Variants in SLCO1C1 observed in about 807,000 individuals in gnomAD.
SLCO1C1 encodes OAT-RP-5.
In SLCO1C1, 70 loss-of-function variants were observed where a neutral mutation model predicts 76.4. The ratio of observed to expected loss-of-function variants is 0.92; its 90% CI spans 0.76 to 1.12. The LOEUF is 1.12. Among genes scored for constraint, SLCO1C1 ranks in the 50% most tolerant of loss-of-function variants. SLCO1C1 has a pLI of 0.00. For missense variants in SLCO1C1, 912 were observed against 823.8 expected (o/e 1.11, Z -1.31); for synonymous variants, 306 against 286.1 (o/e 1.07, Z -0.70).
In SLCO1C1 at chr12:20,699,582, C is replaced by A; in HGVS notation, c.6C>A (p.Asp2Glu). 1 of 1,610,150 alleles carries A rather than the reference C, an allele frequency of 6.2e-7. No individual in the cohort carries two copies. ...AGTCAAGGAATGTGTTTATAATGGA[C>A]ACTTCATCCAAAGAAAATATCCAGT... M[D>E]TSSKENIQLF... Residue 2 changes from aspartate (D) to glutamate (E), a missense_variant, in exon 2 of 15, where the codon GAC becomes GAA. Physicochemically the swap from Asp to Glu is conservative, Grantham distance 45. Coordinates refer to ENST00000266509, the MANE Select transcript of SLCO1C1 (RefSeq NM_017435.5).
chr12:20,729,303 G>A (rs1334193553), intron 9 of SLCO1C1, among the ~76,000 whole-genome samples: 2 of 152,092 alleles, frequency 1.3e-5, no homozygotes, highest in African/African-American at 4.8e-5. Flanking sequence ...CTTTTTTGGA[G>A]TTGTGTTATA....
intron 5 of SLCO1C1, among the ~76,000 whole-genome samples, chr12:20,711,769 TA>T (rs1474502903): frequency 1.1e-4 from 17 of 152,178 alleles, no homozygotes; most frequent in Non-Finnish European, 1.0e-4. Context: ...AGCTTCTGAA[TA>T]AGTGGGTTTT....
At chr12:20,717,407 A>G (rs1328544341) in intron 7 of SLCO1C1, among the ~76,000 whole-genome samples, 177 bp downstream of exon 7, 1 of 151,920 alleles carries the variant, frequency 6.6e-6, no homozygotes, top group Non-Finnish European at 1.5e-5. Context: ...AATATGAAAA[A>G]TAGGTGATAA....
chr12:20,742,337 T>C (rs1044613815), intron 12 of SLCO1C1, among the ~76,000 whole-genome samples: 5 of 151,674 alleles, frequency 3.3e-5, no homozygotes, highest in African/African-American at 1.2e-4. Context: ...AGTCATGTTT[T>C]TTTTTTTTTG....
At chr12:20,745,446 T>C (rs1355293594) in intron 13 of SLCO1C1, among the ~76,000 whole-genome samples, 1 of 152,132 alleles carries the variant, frequency 6.6e-6, no homozygotes, top group Non-Finnish European at 1.5e-5. Context: ...AACTATTATA[T>C]ATTTAAGATA....
At chr12:20,702,100 C>T (rs1365193963) in intron 3 of SLCO1C1, among the ~76,000 whole-genome samples, 4 of 151,876 alleles carry the variant, frequency 2.6e-5, no homozygotes, top group Non-Finnish European at 5.9e-5. Context: ...CCTAGTTAGT[C>T]TGCTTCCTGA....
At chr12:20,702,365 AC>A (rs1946566747) in intron 3 of SLCO1C1, among the ~76,000 whole-genome samples, 1 of 151,904 alleles carries the variant, frequency 6.6e-6, no homozygotes, top group Non-Finnish European at 1.5e-5. Flanking sequence ...TGAATAAGTA[AC>A]CTTTTGCCTT....
chr12:20,751,528 C>T (rs901698801), intron 14 of SLCO1C1, among the ~76,000 whole-genome samples: 6 of 152,072 alleles, frequency 3.9e-5, no homozygotes, highest in Middle Eastern at 3.2e-3. Context: ...ATTGGGCACA[C>T]CATTTTGAAT....
intron 4 of SLCO1C1, among the ~76,000 whole-genome samples, chr12:20,709,499 A>G (rs959706248): frequency 6.6e-6 from 1 of 152,196 alleles, no homozygotes; most frequent in Non-Finnish European, 1.5e-5. Context: ...TTGAAGCATC[A>G]TAACAGTCAA....
intron 4 of SLCO1C1, among the ~76,000 whole-genome samples, chr12:20,709,300 T>G (rs1220517564): frequency 6.6e-6 from 1 of 152,182 alleles, no homozygotes; most frequent in Non-Finnish European, 1.5e-5. Context: ...AACCTAAACG[T>G]TAATTTTTTT....
chr12:20,711,470 A>G lies in SLCO1C1; in HGVS notation c.489A>G (p.Pro163=). ...PCLLESSSQL[P]VSVMEKSKSK... ...TCCTAGAGTCAAGCAGTCAATTACC[A>G]GTTTCAGTTATGGAAAAATCAAAAT... The change falls in exon 5 of 15, where the codon CCA becomes CCG. Residue 163 remains proline, a synonymous_variant. Transcript: ENST00000266509. 5 of 1,613,964 alleles carry G rather than the reference A, an allele frequency of 3.1e-6. No homozygotes were observed. The highest frequency in any genetic ancestry group is 4.2e-6 in the Non-Finnish European group (5 of 1,179,946).
intron 5 of SLCO1C1, 65 bp from the exon 6 acceptor site, chr12:20,715,074 G>T: frequency 1.3e-6 from 2 of 1,583,008 alleles, no homozygotes; most frequent in South Asian, 2.3e-5. Context: ...CGGTAGAAAT[G>T]CAGAATAAAT....
chr12:20,700,151 T>G (rs1946454503), intron 2 of SLCO1C1: 1 of 150,798 alleles, frequency 6.6e-6, no homozygotes, highest in Non-Finnish European at 1.5e-5. Context: ...GGAACCTCCA[T>G]ACTATTATAT....
At chr12:20,738,270 C>A (rs1221693983) in intron 11 of SLCO1C1, among the ~76,000 whole-genome samples, 3 of 152,166 alleles carry the variant, frequency 2.0e-5, no homozygotes, top group African/African-American at 7.2e-5. Flanking sequence ...TTAACAGATT[C>A]ACCCTTCTCA....
At chr12:20,746,129 A>G (rs1450208038) in intron 13 of SLCO1C1, among the ~76,000 whole-genome samples, 3 of 152,182 alleles carry the variant, frequency 2.0e-5, no homozygotes, top group African/African-American at 7.2e-5. Context: ...TAAGCTATCA[A>G]AGCCTAAGAA....
intron 1 of SLCO1C1, chr12:20,696,858 T>A (rs1203777694): frequency 6.6e-6 from 1 of 152,102 alleles, no homozygotes; most frequent in East Asian, 1.9e-4. Flanking sequence ...CCTTGGAACA[T>A]ACTACACTTG....
chr12:20,731,949 G>T (rs946794108), intron 9 of SLCO1C1, among the ~76,000 whole-genome samples: 1 of 152,028 alleles, frequency 6.6e-6, no homozygotes, highest in African/African-American at 2.4e-5. Context: ...TATTAGCTCC[G>T]TATTATAGAT....
chr12:20,737,156 T>C lies in SLCO1C1; in HGVS notation c.1432T>C (p.Ser478Pro). ...ACGAGCTCTCTTTTCAGATTGCAAC[T>C]CAAGATGCAAATGTTCAGAGACAAA... ...HERALFSDCNSRCKCSETKWE... is the reference protein window; with the variant it reads ...HERALFSDCNPRCKCSETKWE... Residue 478 changes from serine to proline, a missense_variant, in exon 11 of 15, where the codon TCA (serine) becomes CCA (proline). Transcript: ENST00000266509. 6.4e-7 allele frequency: 1 copy of C among 1,559,948 alleles called. No individual in the cohort carries two copies. Among genetic ancestry groups the C allele is most frequent in the Non-Finnish European group, 8.6e-7 (1 of 1,160,102 alleles).
intron 2 of SLCO1C1, 108 bp downstream of exon 2, chr12:20,699,813 A>G: frequency 2.3e-6 from 3 of 1,299,370 alleles, no homozygotes; most frequent in Non-Finnish European, 3.0e-6. Context: ...AAAAAAAAAA[A>G]AAGATCTTAG....
Sources: gnomAD v4.1 joint callset for allele counts (sites outside exome capture counted in the v4.1 genomes callset) on GRCh38, gnomAD v4.1.1 for gene constraint, MANE v1.5 for transcripts, NCBI Gene and HGNC (gene_info 2026-07-23, HGNC 2026-07-21) for gene names.